The following HMGCLL1 variants were observed in gnomAD, a reference collection of about 807,000 sequenced individuals.
HMGCLL1 encodes 3-hydroxy-3-methylglutaryl-CoA lyase like 1.
Under a neutral mutation model 39.1 loss-of-function variants are expected in HMGCLL1, and 36 were observed. The ratio of observed to expected loss-of-function variants is 0.92; its 90% CI spans 0.71 to 1.22. The LOEUF is 1.22. HMGCLL1 is among the 50% of genes most tolerant of loss of function. HMGCLL1 has a pLI of 0.00. For synonymous variants in HMGCLL1, 149 were observed against 144.0 expected (o/e 1.03, Z -0.25); for missense variants, 451 against 416.5 (o/e 1.08, Z -0.72).
chr6:55,671,531 C>T, the HMGCLL1 span, among the ~76,000 whole-genome samples: 25 of 151,856 alleles, frequency 1.6e-4, no homozygotes. Flanking sequence ...GACTTCAACA[C>T]TCCTCACTCC....
chr6:55,543,195 T>TATATATTATATATG (rs1271277430), intron 1 of HMGCLL1, among the ~76,000 whole-genome samples: 1 of 12,258 alleles, frequency 8.2e-5, no homozygotes, highest in Non-Finnish European at 1.7e-4. Context: ...TATAATATAT[T>TATATATTATATATG]ATATATTATA....
At chr6:55,582,045 C>A (rs969516358), upstream of HMGCLL1, among the ~76,000 whole-genome samples, 1 of 152,058 alleles carries the variant, frequency 6.6e-6, no homozygotes, top group East Asian at 1.9e-4. Flanking sequence ...TGCTCTTTTT[C>A]TTTTGCTAAG....
chr6:55,460,478 T>G (rs1195398301), intron 7 of HMGCLL1, among the ~76,000 whole-genome samples: 11 of 151,916 alleles, frequency 7.2e-5, no homozygotes. Flanking sequence ...CAGCCGCATC[T>G]TTATAAACAT....
intron 1 of HMGCLL1, among the ~76,000 whole-genome samples, chr6:55,578,324 A>C (rs1328007764): frequency 6.6e-6 from 1 of 152,182 alleles, no homozygotes; most frequent in Admixed American, 6.5e-5. Flanking sequence ...TTAAGAGTGC[A>C]TTAAATCATA....
At chr6:55,655,060 T>G in the HMGCLL1 span, among the ~76,000 whole-genome samples, 6 of 151,950 alleles carry the variant, frequency 3.9e-5, no homozygotes, top group Admixed American at 3.9e-4. Context: ...TTAGCCATAT[T>G]ATAAATGTTT....
chr6:55,589,752 CCAATAG>C, the HMGCLL1 span, among the ~76,000 whole-genome samples: 1 of 152,084 alleles, frequency 6.6e-6, no homozygotes, highest in Non-Finnish European at 1.5e-5. Flanking sequence ...TTCTTATACA[CCAATAG>C]CAGACAAACA....
intron 1 of HMGCLL1, among the ~76,000 whole-genome samples, chr6:55,557,244 G>T (rs111836898): frequency 0.02 from 3,017 of 152,282 alleles, 50 homozygotes; most frequent in South Asian, 0.095. Context: ...GTATATGGTT[G>T]TCTTTAATCT....
At chr6:55,446,176 T>G (rs1763822573) in intron 7 of HMGCLL1, among the ~76,000 whole-genome samples, 1 of 151,412 alleles carries the variant, frequency 6.6e-6, no homozygotes, top group African/African-American at 2.4e-5. Flanking sequence ...GACTATCTAA[T>G]GAGAAGCAAC....
the HMGCLL1 span, among the ~76,000 whole-genome samples, chr6:55,588,987 G>GC: frequency 1.8e-5 from 2 of 109,996 alleles, no homozygotes; most frequent in Admixed American, 8.3e-5. Context: ...ACAAGGATGA[G>GC]CTGTACCATT....
intron 1 of HMGCLL1, among the ~76,000 whole-genome samples, chr6:55,556,023 G>T (rs1167010687): frequency 1.3e-5 from 2 of 152,016 alleles, no homozygotes; most frequent in Non-Finnish European, 1.5e-5. Flanking sequence ...CTTTGCGGGG[G>T]TTCCCTAAAC....
chr6:55,578,931 G>C lies in HMGCLL1; in HGVS notation c.108+17C>G. On this transcript the variant is annotated intron_variant, in intron 1 of 8. Transcript: ENST00000274901. ...GTGCGCATGAGGGTGGGGACACCCT[G>C]GGCCGCGAGGTGGTACCTGCGCGGG... The C allele has an allele frequency of 6.3e-7, 1 of 1,592,692 alleles. No individual in the cohort carries two copies. The highest frequency in any genetic ancestry group is 2.3e-5 in the East Asian group (1 of 43,764).
intron 3 of HMGCLL1, among the ~76,000 whole-genome samples, chr6:55,531,467 G>A (rs2127448556): frequency 6.6e-6 from 1 of 152,126 alleles, no homozygotes; most frequent in Middle Eastern, 3.4e-3. Flanking sequence ...ATACAAAAGT[G>A]GAATTTTAAT....
At chr6:55,561,188 C>A (rs1485293686) in intron 1 of HMGCLL1, among the ~76,000 whole-genome samples, 1 of 152,124 alleles carries the variant, frequency 6.6e-6, no homozygotes, top group Non-Finnish European at 1.5e-5. Flanking sequence ...AAAATTATTT[C>A]TTCCCAGAAG....
upstream of HMGCLL1, among the ~76,000 whole-genome samples, chr6:55,581,346 G>A (rs1771983718): frequency 6.6e-6 from 1 of 151,752 alleles, no homozygotes; most frequent in Non-Finnish European, 1.5e-5. Context: ...CATATCATAT[G>A]GAAAATGCTA....
At chr6:55,457,316 A>G (rs889160084) in intron 7 of HMGCLL1, among the ~76,000 whole-genome samples, 11 of 152,198 alleles carry the variant, frequency 7.2e-5, no homozygotes, top group Non-Finnish European at 5.9e-5. Flanking sequence ...TCATTAGCTC[A>G]GACTCCTGCA....
chr6:55,659,034 A>G, the HMGCLL1 span, among the ~76,000 whole-genome samples: 1 of 151,986 alleles, frequency 6.6e-6, no homozygotes, highest in South Asian at 2.1e-4. Context: ...CAGTCTAAGT[A>G]GAGGTCAATA....
the HMGCLL1 span, among the ~76,000 whole-genome samples, chr6:55,594,182 A>T: frequency 6.6e-6 from 1 of 152,220 alleles, no homozygotes; most frequent in Non-Finnish European, 1.5e-5. Context: ...ATTATAAAAA[A>T]ATTTGAATCT....
At chr6:55,632,547 T>C in the HMGCLL1 span, among the ~76,000 whole-genome samples, 2,133 of 151,968 alleles carry the variant, frequency 0.014, 51 homozygotes, top group African/African-American at 0.048. Context: ...CCTTGTATTT[T>C]GATTCAACTT....
At chr6:55,463,903 T>TA (rs551281199) in intron 7 of HMGCLL1, among the ~76,000 whole-genome samples, 22 of 151,700 alleles carry the variant, frequency 1.5e-4, no homozygotes, top group South Asian at 2.1e-4. Flanking sequence ...CACAGAATCA[T>TA]AAAAAAAATA....
Sources: allele counts gnomAD v4.1 joint callset (sites outside exome capture counted in the v4.1 genomes callset), GRCh38; gene constraint gnomAD v4.1.1; transcripts MANE v1.5; gene names NCBI Gene and HGNC (gene_info 2026-07-23, HGNC 2026-07-21).